DNAH6: variants seen among roughly 807,000 people sequenced by gnomAD.
The protein encoded by DNAH6 is axonemal beta dynein heavy chain 6.
Under a neutral mutation model 491.4 loss-of-function variants are expected in DNAH6, and 340 were observed. The ratio of observed to expected loss-of-function variants is 0.69; its 90% CI spans 0.63 to 0.76. The LOEUF is 0.76. Ranked by LOEUF, DNAH6 falls within the 30% of genes least tolerant of loss-of-function variation. The pLI is 0.00. For synonymous variants in DNAH6, 1,603 were observed against 1,686.1 expected, an observed-to-expected ratio of 0.95 and a Z score of 1.21; for missense variants, 4,443 against 4,972.2, an observed-to-expected ratio of 0.89 and a Z score of 3.20.
chr2:84,613,019 C>A (rs1280874360), intron 22 of DNAH6, among the ~76,000 whole-genome samples: 2 of 151,806 alleles, frequency 1.3e-5, no homozygotes, highest in African/African-American at 2.4e-5. Flanking sequence ...AAAAAAAAAT[C>A]TGATTCAAAA....
At chr2:84,610,851 G>C (rs1216408938) in intron 21 of DNAH6, among the ~76,000 whole-genome samples, 1 of 152,156 alleles carries the variant, frequency 6.6e-6, no homozygotes, top group African/African-American at 2.4e-5. Context: ...GTGAAGGGAG[G>C]GACTACAGAT....
intron 8 of DNAH6, among the ~76,000 whole-genome samples, chr2:84,549,032 G>A (rs1437378320): frequency 2.6e-5 from 4 of 152,212 alleles, no homozygotes; most frequent in Non-Finnish European, 5.9e-5. Flanking sequence ...GCCACTGGGA[G>A]CCAGAGAGAG....
At chr2:84,615,772 A>C (rs903232719) in intron 22 of DNAH6, among the ~76,000 whole-genome samples, 4 of 147,986 alleles carry the variant, frequency 2.7e-5, no homozygotes, top group African/African-American at 1.0e-4. Context: ...GTATATTTCT[A>C]AGTATTTTTT....
At chr2:84,589,317 C>T (rs892450934) in intron 16 of DNAH6, among the ~76,000 whole-genome samples, 9 of 152,106 alleles carry the variant, frequency 5.9e-5, no homozygotes, top group African/African-American at 1.7e-4. Context: ...TTCATATGTA[C>T]GTTATGATTC....
At position 84,738,792 on chromosome 2, in the gene DNAH6, A is replaced by T. The variant is rs1384352456; in HGVS notation, c.10342+5213A>T. Among the ~76,000 whole-genome samples, 8 of 152,094 alleles carry T rather than the reference A, an allele frequency of 5.3e-5. No homozygotes were observed. In the South Asian group the frequency reaches 1.7e-3, roughly 32 times the overall value. ...GGGTCTTGTTTTTTCATTCAATTTG[A>T]TACTCTATGTATTTTAAGTTGAGCA... On this transcript the variant is annotated intron_variant, in intron 62 of 76. Coordinates refer to ENST00000389394, the MANE Select transcript of DNAH6 (RefSeq NM_001370.2).
At chr2:84,528,812 T>G (rs1676856647) in intron 3 of DNAH6, 92 bp from the exon 4 acceptor site, 1 of 1,239,478 alleles carries the variant, frequency 8.1e-7, no homozygotes, top group East Asian at 2.6e-5. Context: ...TCATGCAATA[T>G]GGCAATTAGT....
At chr2:84,751,833 G>A (rs2365783) in intron 63 of DNAH6, among the ~76,000 whole-genome samples, 21,101 of 152,246 alleles carry the variant, frequency 0.14, 1,635 homozygotes, top group African/African-American at 0.21. Flanking sequence ...GATTCAGTAG[G>A]TCTGGGCTAA....
chr2:84,596,536 G>A (rs1684598992), intron 18 of DNAH6, among the ~76,000 whole-genome samples: 1 of 151,920 alleles, frequency 6.6e-6, no homozygotes, highest in Admixed American at 6.6e-5. Flanking sequence ...TCACTATGTT[G>A]GTCAGGCTGG....
intron 18 of DNAH6, among the ~76,000 whole-genome samples, chr2:84,601,408 G>A (rs1375083281): frequency 6.6e-6 from 1 of 151,900 alleles, no homozygotes; most frequent in Non-Finnish European, 1.5e-5. Context: ...TTGGACATGT[G>A]CACATTTAGT....
rs1428775924 is a variant in DNAH6, at chr2:84,709,636, TTGGAGATTTAGATTTAACATACA to T, written c.9252+103_9252+125del. 19 of 1,383,464 alleles carry T rather than the reference TTGGAGATTTAGATTTAACATACA, an allele frequency of 1.4e-5. No individual in the cohort carries two copies. In the African/African-American group the frequency reaches 2.2e-4, roughly 16 times the overall value. The allele number at this position is 1,383,464 out of a possible 1,614,324, so 85.7% of individuals were successfully genotyped here. On this transcript the variant is annotated intron_variant, in intron 55 of 76. Transcript: ENST00000389394. ...ATTATAAAAGTGGGCCTCAATGTAC[TTGGAGATTTAGATTTAACATACA>T]TGGAGATTTAGACCTAGAAGAGAGT...
chr2:84,556,559 T>C (rs1052798250), intron 10 of DNAH6, among the ~76,000 whole-genome samples: 2 of 152,218 alleles, frequency 1.3e-5, no homozygotes, highest in Non-Finnish European at 2.9e-5. Context: ...AGACTTTATA[T>C]TTATTATAAA....
Position 84,517,858 on chromosome 2 carries a change from A to C in DNAH6, c.32A>C (p.Asp11Ala), listed in dbSNP as rs1384167152. 8 of 1,551,546 alleles carry C rather than the reference A, an allele frequency of 5.2e-6. No individual in the cohort carries two copies. Reference protein sequence around the residue: MTFRATDSEFDLTNIEEYAEN... With the variant: MTFRATDSEFALTNIEEYAEN... ...TTTCGGGCCACAGATAGTGAATTTG[A>C]CCTGACAAATATTGAAGAGTATGCC... is the stretch of plus-strand genomic sequence containing the variant. Residue 11 changes from aspartate (D) to alanine (A), a missense_variant, in exon 2 of 77, where the codon GAC becomes GCC. Coordinates refer to ENST00000389394, the MANE Select transcript of DNAH6 (RefSeq NM_001370.2).
the DNAH6 span, among the ~76,000 whole-genome samples, chr2:84,496,355 T>C: frequency 2.0e-5 from 3 of 152,204 alleles, no homozygotes; most frequent in Non-Finnish European, 4.4e-5. Context: ...AAAATAACCA[T>C]AAATCTCCTA....
At chr2:84,678,207 T>C (rs1282662776) in intron 41 of DNAH6, among the ~76,000 whole-genome samples, 2 of 152,188 alleles carry the variant, frequency 1.3e-5, no homozygotes, top group East Asian at 3.8e-4. Flanking sequence ...CAAAATGGTA[T>C]ATAAAAACTG....
chr2:84,678,483 G>A (rs1158828496), intron 41 of DNAH6, among the ~76,000 whole-genome samples: 1 of 152,188 alleles, frequency 6.6e-6, no homozygotes, highest in Admixed American at 6.5e-5. Flanking sequence ...TGCCTGGTTA[G>A]AAGAGACTGA....
chr2:84,810,218 C>T (rs986904389), intron 72 of DNAH6, among the ~76,000 whole-genome samples: 1 of 152,098 alleles, frequency 6.6e-6, no homozygotes, highest in African/African-American at 2.4e-5. Flanking sequence ...TTGTAATTTC[C>T]CCCCTATGAG....
intron 62 of DNAH6, among the ~76,000 whole-genome samples, chr2:84,738,965 C>T (rs1352572365): frequency 6.6e-6 from 1 of 152,100 alleles, no homozygotes; most frequent in Non-Finnish European, 1.5e-5. Flanking sequence ...TTCATGGTAA[C>T]AAGCATTATT....
In DNAH6 at chr2:84,624,380, T is replaced by C. The variant is rs1012962266; in HGVS notation, c.4187T>C (p.Val1396Ala). ...VHARDIVTEL[V>A]QSKVETVESF... ...GCAAGAGATATAGTCACTGAACTTG[T>C]TCAATCCAAGGTAACTGTTTCATTT... The change falls in exon 27 of 77, where the codon GTT becomes GCT. Residue 1396 changes from valine (V) to alanine (A), a missense_variant. Coordinates refer to ENST00000389394, the MANE Select transcript of DNAH6 (RefSeq NM_001370.2). 1.9e-6 allele frequency: 3 copies of C among 1,550,534 alleles called. No individual in the cohort carries two copies. The highest frequency in any genetic ancestry group is 2.6e-6 in the Non-Finnish European group (3 of 1,146,646).
chr2:84,783,729 G>T (rs533497134), intron 65 of DNAH6, among the ~76,000 whole-genome samples: 1 of 152,152 alleles, frequency 6.6e-6, no homozygotes, highest in Admixed American at 6.5e-5. Context: ...ATTTGTCCTC[G>T]TAGAGTTTCC....
Sources: allele counts gnomAD v4.1 joint callset (sites outside exome capture counted in the v4.1 genomes callset), GRCh38; gene constraint gnomAD v4.1.1; transcripts MANE v1.5; gene names NCBI Gene and HGNC (gene_info 2026-07-23, HGNC 2026-07-21).